Variants in NYNRIN observed in about 807,000 individuals in gnomAD.
NYNRIN encodes protein NYNRIN.
Under a neutral mutation model 146.6 loss-of-function variants are expected in NYNRIN, and 86 were observed. The ratio of observed to expected loss-of-function variants is 0.59; its 90% CI spans 0.49 to 0.70. The LOEUF (loss-of-function observed/expected upper bound fraction) is 0.70. Among genes scored for constraint, NYNRIN ranks in the 30% least tolerant of loss-of-function variants. The probability of loss-of-function intolerance (pLI) is 0.00; values close to 1 mark genes in which losing one functional copy is unlikely to be tolerated. For synonymous variants in NYNRIN, 1,027 were observed against 1,001.3 expected (o/e 1.03, Z -0.48); for missense variants, 2,191 against 2,377.7 (o/e 0.92, Z 1.63).
chr14:24,409,873 C>A lies in NYNRIN; in HGVS notation c.2079C>A (p.Thr693=). The change falls in exon 4 of 9, where the codon ACC becomes ACA. Residue 693 remains threonine, a synonymous_variant. Coordinates refer to ENST00000382554, the MANE Select transcript of NYNRIN (RefSeq NM_025081.3). The part of the protein sequence containing the change: ...AQKVPTDAGP[T]LDVARLLSEV... ...AGGTGCCCACGGATGCAGGGCCAAC[C>A]TTGGATGTAGCCAGACTTCTGAGTG... The A allele has an allele frequency of 6.2e-7, 1 of 1,613,452 alleles. No homozygotes were observed. Among genetic ancestry groups the A allele is most frequent in the Non-Finnish European group, 8.5e-7 (1 of 1,179,680 alleles).
chr14:24,417,997 G>A lies in NYNRIN; in HGVS notation c.*551G>A, dbSNP rs149896107. Reference sequence around the variant, plus strand: ...GAGGCCGCTGCCTCCTAGCCTCACGGTCAGCTTTCTCAAGCCAGGTGTGGC... The same window carrying A: ...GAGGCCGCTGCCTCCTAGCCTCACGATCAGCTTTCTCAAGCCAGGTGTGGC... On this transcript the variant is annotated 3_prime_UTR_variant, in exon 9 of 9. Coordinates refer to ENST00000382554, the MANE Select transcript of NYNRIN (RefSeq NM_025081.3). The A allele has an allele frequency of 4.5e-5, 13 of 287,050 alleles. No individual in the cohort carries two copies. In the East Asian group the frequency reaches 1.6e-3, roughly 35 times the overall value. 17.8% of individuals were successfully genotyped at this position (287,050 alleles called of 1,614,324 possible).
Position 24,409,370 on chromosome 14 carries a change from C to T in NYNRIN, c.1576C>T (p.Gln526Ter). Residue 526 changes from glutamine (Q) to a stop codon, truncating the protein, a stop_gained, in exon 4 of 9, where the codon CAA becomes TAA. Transcript: ENST00000382554. LOFTEE classifies it high-confidence loss of function. Reference sequence around the variant, plus strand: ...AACAGGGCAAGGGAAGCCCGTGGCTCAAGGGGGGCTGACAGATCAGTCAGT... The same window carrying T: ...AACAGGGCAAGGGAAGCCCGTGGCTTAAGGGGGGCTGACAGATCAGTCAGT... ...LPTGQGKPVAQGGLTDQSVPG... is the reference protein window; with the variant it reads ...LPTGQGKPVA The T allele has an allele frequency of 6.2e-7, 1 of 1,614,012 alleles. No homozygotes were observed. Among genetic ancestry groups the T allele is most frequent in the Non-Finnish European group, 8.5e-7 (1 of 1,179,894 alleles).
intron 2 of NYNRIN, among the ~76,000 whole-genome samples, chr14:24,406,201 A>AAAAATAATAAAAT (rs2042873963): frequency 3.9e-5 from 5 of 127,860 alleles, no homozygotes; most frequent in Non-Finnish European, 8.2e-5. Context: ...CTCTGCCTCA[A>AAAAATAATAAAAT]AAAATAAAAT....
chr14:24,413,065 T>A lies in NYNRIN; in HGVS notation c.2711T>A (p.Met904Lys), dbSNP rs1247420191. 2 of 1,598,614 alleles carry A rather than the reference T, an allele frequency of 1.3e-6. No homozygotes were observed. Among genetic ancestry groups the A allele is most frequent in the Non-Finnish European group, 8.5e-7 (1 of 1,172,358 alleles). ...ACCAATGAGCAGATTCACATCCTGATGAATAGTTCCAAGAAACTGATGGTC... is the reference window on the plus strand; with the variant it reads ...ACCAATGAGCAGATTCACATCCTGAAGAATAGTTCCAAGAAACTGATGGTC... ...IVTNEQIHIL[M>K]NSSKKLMVKD... The change falls in exon 7 of 9, where the codon ATG (methionine) becomes AAG (lysine). Residue 904 changes from methionine to lysine, a missense_variant. Met to Lys is a moderately conservative substitution (Grantham distance 95, BLOSUM62 -1). Coordinates refer to ENST00000382554, the MANE Select transcript of NYNRIN (RefSeq NM_025081.3).
chr14:24,415,572 C>G lies in NYNRIN; in HGVS notation c.3823C>G (p.Leu1275Val). ...CAAGAGGGCCCTGGAATTGGCCCTC[C>G]TCCAGGGCCTGCTGGGGGAGAACCG... ...KGKRALELAL[L>V]QGLLGENRLL... The change falls in exon 9 of 9, where the codon CTC (leucine) becomes GTC (valine). Residue 1275 changes from leucine (L) to valine (V), a missense_variant. Physicochemically the swap from Leu to Val is conservative, Grantham distance 32 (BLOSUM62 1). Coordinates refer to ENST00000382554, the MANE Select transcript of NYNRIN (RefSeq NM_025081.3). The G allele has an allele frequency of 6.2e-7, 1 of 1,613,938 alleles. No homozygotes were observed. The highest frequency in any genetic ancestry group is 8.5e-7 in the Non-Finnish European group (1 of 1,179,868).
At position 24,415,904 on chromosome 14, in the gene NYNRIN, G is replaced by A. The variant is rs747370105; in HGVS notation, c.4155G>A (p.Leu1385=). 6.2e-7 allele frequency: 1 copy of A among 1,613,858 alleles called. No individual in the cohort carries two copies. The highest frequency in any genetic ancestry group is 8.5e-7 in the Non-Finnish European group (1 of 1,179,898). The stretch of plus-strand genomic sequence containing the variant: ...ACTGCAACTGGATCTTCAGCCTCCT[G>A]TGGGAGCTCCTGCCCCTCTGGAGGG... The part of the protein sequence containing the change: ...LTHCNWIFSL[L]WELLPLWRAR... The change falls in exon 9 of 9, where the codon CTG becomes CTA. Residue 1385 remains leucine (L), a synonymous_variant. Transcript: ENST00000382554.
In NYNRIN at chr14:24,409,872, C is replaced by T; in HGVS notation, c.2078C>T (p.Thr693Ile). The change falls in exon 4 of 9, where the codon ACC becomes ATC. Residue 693 changes from threonine to isoleucine, a missense_variant. Transcript: ENST00000382554. Reference sequence around the variant, plus strand: ...AAGGTGCCCACGGATGCAGGGCCAACCTTGGATGTAGCCAGACTTCTGAGT... The same window carrying T: ...AAGGTGCCCACGGATGCAGGGCCAATCTTGGATGTAGCCAGACTTCTGAGT... ...AQKVPTDAGP[T>I]LDVARLLSEV... 5 of 1,613,420 alleles carry T rather than the reference C, an allele frequency of 3.1e-6. No individual in the cohort carries two copies. The highest frequency in any genetic ancestry group is 4.2e-6 in the Non-Finnish European group (5 of 1,179,696).
In NYNRIN at chr14:24,408,408, C is replaced by T; in HGVS notation, c.738C>T (p.Asp246=). 1 of 1,613,798 alleles carries T rather than the reference C, an allele frequency of 6.2e-7. No individual in the cohort carries two copies. The highest frequency in any genetic ancestry group is 1.3e-5 in the African/African-American group (1 of 75,030). The change falls in exon 3 of 9, where the codon GAC becomes GAT. Residue 246 remains aspartate (D), a synonymous_variant. Transcript: ENST00000382554. Reference sequence around the variant, plus strand: ...GAGAGAGTCCTGGACCCTTTGTGGACATGGGGACCCTCCAGAACAGGGGCC... The same window carrying T: ...GAGAGAGTCCTGGACCCTTTGTGGATATGGGGACCCTCCAGAACAGGGGCC... ...SVGESPGPFV[D]MGTLQNRGPE... is the part of the protein sequence containing the mutation.
Position 24,410,845 on chromosome 14 carries a change from A to G in NYNRIN, c.2415-231A>G, listed in dbSNP as rs546504282. Reference sequence around the variant, plus strand: ...TCTTGCCCTCAATGTCCCTACACACATGCGTACACACAGGTACATGCACAC... The same window carrying G: ...TCTTGCCCTCAATGTCCCTACACACGTGCGTACACACAGGTACATGCACAC... On this transcript the variant is annotated intron_variant, in intron 4 of 8. Coordinates refer to ENST00000382554, the MANE Select transcript of NYNRIN (RefSeq NM_025081.3). Among the ~76,000 whole-genome samples the G allele has an allele frequency of 4.6e-5, 7 of 152,292 alleles. No homozygotes were observed. In the East Asian group the frequency reaches 1.4e-3, roughly 29 times the overall value.
chr14:24,414,826 T>C lies in NYNRIN; in HGVS notation c.3077T>C (p.Val1026Ala). The part of the protein sequence containing the change: ...EDDLDSSLAS[V>A]FRVECPSLSE... ...GACCTTGACTCTTCGCTGGCGTCAGTGTTCAGGGTGGAGTGCCCGTCCCTT... is the reference window on the plus strand; with the variant it reads ...GACCTTGACTCTTCGCTGGCGTCAGCGTTCAGGGTGGAGTGCCCGTCCCTT... Residue 1026 changes from valine (V) to alanine (A), a missense_variant, in exon 9 of 9, where the codon GTG becomes GCG. Val to Ala is a moderately conservative substitution (Grantham distance 64). Around this residue, in one of 3 missense-constraint regions of NYNRIN, gnomAD observed 1,291 missense variants for 1,417.0 expected, o/e 0.91. Transcript: ENST00000382554. The C allele has an allele frequency of 1.9e-6, 3 of 1,613,492 alleles. No individual in the cohort carries two copies. The highest frequency in any genetic ancestry group is 2.5e-6 in the Non-Finnish European group (3 of 1,179,644).
Position 24,417,276 on chromosome 14 carries a change from A to C in NYNRIN, c.5527A>C (p.Ser1843Arg). The change falls in exon 9 of 9, where the codon AGT becomes CGT. Residue 1843 changes from serine (S) to arginine (R), a missense_variant. Physicochemically the swap from Ser to Arg is moderately radical, Grantham distance 110. Coordinates refer to ENST00000382554, the MANE Select transcript of NYNRIN (RefSeq NM_025081.3). ...LLLSLPRNGS[S>R]AKWVGPFYIG... is the part of the protein sequence containing the mutation. Reference sequence around the variant, plus strand: ...GCTGTCCCTCCCCAGGAATGGCAGCAGTGCCAAATGGGTGGGTCCCTTCTA... The same window carrying C: ...GCTGTCCCTCCCCAGGAATGGCAGCCGTGCCAAATGGGTGGGTCCCTTCTA... 1 of 1,614,040 alleles carries C rather than the reference A, an allele frequency of 6.2e-7. No homozygotes were observed. The highest frequency in any genetic ancestry group is 8.5e-7 in the Non-Finnish European group (1 of 1,179,870).
rs375519821 is a variant in NYNRIN, at chr14:24,415,482, C to T, written c.3733C>T (p.Arg1245Trp). Residue 1245 changes from arginine to tryptophan, a missense_variant, in exon 9 of 9, where the codon CGG becomes TGG. Around this residue, in one of 3 missense-constraint regions of NYNRIN, gnomAD observed 1,291 missense variants for 1,417.0 expected, o/e 0.91. Transcript: ENST00000382554. Reference protein sequence around the residue: ...ASRTTADPEVREGRRVSKAWL... With the variant: ...ASRTTADPEVWEGRRVSKAWL... Reference sequence around the variant, plus strand: ...CCGGACCACTGCGGACCCTGAGGTGCGGGAGGGCCGCAGGGTTTCCAAAGC... The same window carrying T: ...CCGGACCACTGCGGACCCTGAGGTGTGGGAGGGCCGCAGGGTTTCCAAAGC... 44 of 1,613,838 alleles carry T rather than the reference C, an allele frequency of 2.7e-5. 1 individual carries two copies. In the East Asian group the frequency reaches 5.6e-4, roughly 20 times the overall value.
intron 7 of NYNRIN, 46 bp downstream of exon 7, chr14:24,413,144 TCAGGCAGCCC>T: frequency 4.8e-6 from 7 of 1,453,960 alleles, no homozygotes; most frequent in Non-Finnish European, 6.6e-6. Context: ...CCCTTGGATG[TCAGGCAGCCC>T]CTGGCATGGG....
chr14:24,416,428 A>G lies in NYNRIN; in HGVS notation c.4679A>G (p.Glu1560Gly). Reference protein sequence around the residue: ...DIPLGAHQRPEETYKKLRLLG... With the variant: ...DIPLGAHQRPGETYKKLRLLG... ...CCCTTGGGGGCCCACCAGAGGCCCGAAGAGACCTACAAGAAGTTGCGTTTG... is the reference window on the plus strand; with the variant it reads ...CCCTTGGGGGCCCACCAGAGGCCCGGAGAGACCTACAAGAAGTTGCGTTTG... Residue 1560 changes from glutamate to glycine, a missense_variant, in exon 9 of 9, where the codon GAA becomes GGA. This residue lies in a region of NYNRIN where 1,291 missense variants were observed against 1,417.0 expected (regional missense o/e 0.91). Transcript: ENST00000382554. 6.2e-7 allele frequency: 1 copy of G among 1,613,130 alleles called. No individual in the cohort carries two copies. Among genetic ancestry groups the G allele is most frequent in the East Asian group, 2.2e-5 (1 of 44,856 alleles).
intron 2 of NYNRIN, 26 bp downstream of exon 2, chr14:24,399,470 C>G: frequency 6.4e-7 from 1 of 1,568,768 alleles, no homozygotes; most frequent in Non-Finnish European, 8.7e-7. Flanking sequence ...CCACCCCCAC[C>G]CATCTCTTCC....
rs1464931709 is a variant in NYNRIN at position 24,414,610 on chromosome 14, T to C, written c.2861T>C (p.Ile954Thr). Residue 954 changes from isoleucine to threonine, a missense_variant, in exon 9 of 9, where the codon ATT becomes ACT. By Grantham distance (89) the Ile-to-Thr change is moderately conservative. This residue lies in a region of NYNRIN where 1,291 missense variants were observed against 1,417.0 expected (regional missense o/e 0.91). Coordinates refer to ENST00000382554, the MANE Select transcript of NYNRIN (RefSeq NM_025081.3). The stretch of plus-strand genomic sequence containing the variant: ...TTTTGGTGTAGGTTGGACACTGACA[T>C]TGGCAACTTCCTGAAGGTGTGGAAG... Reference protein sequence around the residue: ...LKKPNRLDTDIGNFLKVWKTL... With the variant: ...LKKPNRLDTDTGNFLKVWKTL... The C allele has an allele frequency of 8.7e-6, 14 of 1,611,284 alleles. No homozygotes were observed. The highest frequency in any genetic ancestry group is 2.2e-5 in the East Asian group (1 of 44,836).
At chr14:24,406,504 T>C (rs1161033804) in intron 2 of NYNRIN, among the ~76,000 whole-genome samples, 1 of 152,040 alleles carries the variant, frequency 6.6e-6, no homozygotes, top group African/African-American at 2.4e-5. Context: ...GTCCATCAGG[T>C]TTTGAGCTGG....
Position 24,409,808 on chromosome 14 carries a change from CCCA to C in NYNRIN, c.2015_2017del (p.Pro672del), listed in dbSNP as rs1566485361. 1 of 1,613,350 alleles carries C rather than the reference CCCA, an allele frequency of 6.2e-7. No homozygotes were observed. The highest frequency in any genetic ancestry group is 8.5e-7 in the Non-Finnish European group (1 of 1,179,634). ...TGCAGCTCCCAAAGTACCTGTGACCCCCAGAGTCTCCAGAGCTCCCAAAACACC... is the reference window on the plus strand; with the variant it reads ...TGCAGCTCCCAAAGTACCTGTGACCCGAGTCTCCAGAGCTCCCAAAACACC... On this transcript the variant is annotated inframe_deletion, in exon 4 of 9. Coordinates refer to ENST00000382554, the MANE Select transcript of NYNRIN (RefSeq NM_025081.3).
Position 24,409,376 on chromosome 14 carries a change from G to A in NYNRIN, c.1582G>A (p.Gly528Arg), listed in dbSNP as rs2042896509. Residue 528 changes from glycine (G) to arginine (R), a missense_variant, in exon 4 of 9, where the codon GGG (glycine) becomes AGG (arginine). This residue lies in a region of NYNRIN where 895 missense variants were observed against 941.2 expected (regional missense o/e 0.95). Coordinates refer to ENST00000382554, the MANE Select transcript of NYNRIN (RefSeq NM_025081.3). The part of the protein sequence containing the change: ...TGQGKPVAQG[G>R]LTDQSVPGAQ... The stretch of plus-strand genomic sequence containing the variant: ...GCAAGGGAAGCCCGTGGCTCAAGGG[G>A]GGCTGACAGATCAGTCAGTACCTGG... 3 of 1,614,034 alleles carry A rather than the reference G, an allele frequency of 1.9e-6. No individual in the cohort carries two copies. Among genetic ancestry groups the A allele is most frequent in the East Asian group, 4.5e-5 (2 of 44,886 alleles).
Sources: allele counts gnomAD v4.1 joint callset (sites outside exome capture counted in the v4.1 genomes callset), GRCh38; gene constraint gnomAD v4.1.1; regional missense constraint gnomAD v4.1.1; transcripts MANE v1.5; gene names NCBI Gene and HGNC (gene_info 2026-07-23, HGNC 2026-07-21).